CSMD1: variants seen among roughly 807,000 people sequenced by gnomAD.
The protein encoded by CSMD1 is CUB and sushi domain-containing protein 1.
Under a neutral mutation model 417.5 loss-of-function variants are expected in CSMD1, and 213 were observed. That is an observed-to-expected ratio of 0.51 (90% CI 0.46 to 0.57). The LOEUF (loss-of-function observed/expected upper bound fraction) is 0.57, where lower values mean the gene tolerates loss of function less well. Among genes scored for constraint, CSMD1 ranks in the 20% least tolerant of loss-of-function variants. CSMD1 has a pLI of 0.00. For missense variants in CSMD1, 6,923 were observed against 4,529.7 expected, an observed-to-expected ratio of 1.53 and a Z score of -15.17; for synonymous variants, 2,862 against 1,736.8, an observed-to-expected ratio of 1.65 and a Z score of -16.11.
chr8:3,678,515 C>A (rs1221699979), intron 7 of CSMD1, among the ~76,000 whole-genome samples: 1 of 152,102 alleles, frequency 6.6e-6, no homozygotes, highest in Non-Finnish European at 1.5e-5. Context: ...TGAACAAAGC[C>A]TCCAAGAAAT....
At chr8:3,038,000 A>T (rs1810810101) in intron 50 of CSMD1, among the ~76,000 whole-genome samples, 1 of 152,208 alleles carries the variant, frequency 6.6e-6, no homozygotes, top group South Asian at 2.1e-4. Flanking sequence ...AACCTTCAGA[A>T]AATCGGGCAT....
chr8:4,479,703 G>T (rs1800985609), intron 2 of CSMD1, among the ~76,000 whole-genome samples: 1 of 152,112 alleles, frequency 6.6e-6, no homozygotes, highest in South Asian at 2.1e-4. Context: ...AGACCATCCT[G>T]GCCAACATGG....
rs564107727 is a variant in CSMD1 at position 4,123,757 on chromosome 8, G to A, written c.416-91658C>T. On this transcript the variant is annotated intron_variant, in intron 3 of 69. Coordinates refer to ENST00000635120, the MANE Select transcript of CSMD1 (RefSeq NM_033225.6). ...TTAGAATTCAATGTGTTTATGCTGTGATAATTTACTGATGATGAAGTCAGA... is the reference window on the plus strand; with the variant it reads ...TTAGAATTCAATGTGTTTATGCTGTAATAATTTACTGATGATGAAGTCAGA... Among the ~76,000 whole-genome samples, 8 of 152,222 alleles carry A rather than the reference G, an allele frequency of 5.3e-5. No individual in the cohort carries two copies. The South Asian group carries it at 1.7e-3, about 32-fold the overall frequency.
At chr8:3,829,311 T>C (rs1260429118) in intron 5 of CSMD1, among the ~76,000 whole-genome samples, 7 of 152,172 alleles carry the variant, frequency 4.6e-5, no homozygotes, top group South Asian at 4.1e-4. Context: ...ACTTCACTTA[T>C]TCTACAATCA....
At position 3,054,930 on chromosome 8, in the gene CSMD1, C is replaced by G. The variant is rs77118674; in HGVS notation, c.7475-2283G>C. Among the ~76,000 whole-genome samples, 1,465 of 152,242 alleles carry G rather than the reference C, an allele frequency of 9.6e-3. 19 individuals carry two copies. Among genetic ancestry groups the G allele is most frequent in the African/African-American group, 0.034 (1,408 of 41,538 alleles). On this transcript the variant is annotated intron_variant, in intron 49 of 69. Transcript: ENST00000635120. ...TCCTGAATGCAGTAAATGCCAGAGA[C>G]CCATCCTTTCTTTTCTGTATCTCAC... is the stretch of plus-strand genomic sequence containing the variant.
At chr8:4,493,720 AC>A (rs1221566644) in intron 2 of CSMD1, among the ~76,000 whole-genome samples, 1 of 152,172 alleles carries the variant, frequency 6.6e-6, no homozygotes, top group Non-Finnish European at 1.5e-5. Flanking sequence ...AATATCAAAA[AC>A]AAAAACCTAA....
intron 3 of CSMD1, among the ~76,000 whole-genome samples, chr8:4,139,107 A>G (rs957961367): frequency 3.9e-5 from 6 of 152,158 alleles, no homozygotes; most frequent in Admixed American, 1.3e-4. Flanking sequence ...ACAGCTACAC[A>G]TGAAGACCCC....
At chr8:3,984,082 A>T (rs1814121080) in intron 5 of CSMD1, among the ~76,000 whole-genome samples, 1 of 147,380 alleles carries the variant, frequency 6.8e-6, no homozygotes, top group Non-Finnish European at 1.5e-5. Context: ...AGCACACCAC[A>T]GATCTAACAG....
chr8:3,119,834 T>C (rs554145411), intron 41 of CSMD1, among the ~76,000 whole-genome samples: 7 of 152,260 alleles, frequency 4.6e-5, no homozygotes, highest in African/African-American at 1.4e-4. Flanking sequence ...GCCATGTAAT[T>C]CTGCTGAAAC....
intron 11 of CSMD1, among the ~76,000 whole-genome samples, chr8:3,474,213 C>G (rs1293904392): frequency 6.6e-6 from 1 of 152,010 alleles, no homozygotes; most frequent in Non-Finnish European, 1.5e-5. Flanking sequence ...TTGGCATTAG[C>G]TAATGAGCTG....
intron 1 of CSMD1, among the ~76,000 whole-genome samples, chr8:4,774,330 C>A (rs1017901601): frequency 6.6e-6 from 1 of 152,258 alleles, no homozygotes; most frequent in Non-Finnish European, 1.5e-5. Context: ...GAGGGCAGGT[C>A]TCTCAAAACT....
At chr8:3,500,543 T>C (rs539173790) in intron 10 of CSMD1, among the ~76,000 whole-genome samples, 2 of 152,224 alleles carry the variant, frequency 1.3e-5, no homozygotes, top group Admixed American at 1.3e-4. Flanking sequence ...GTCTCTTTCA[T>C]ATTTAGAGGT....
At chr8:3,694,002 G>C (rs1483098861) in intron 7 of CSMD1, among the ~76,000 whole-genome samples, 4 of 151,598 alleles carry the variant, frequency 2.6e-5, no homozygotes, top group African/African-American at 9.7e-5. Context: ...TGTGTGTGTT[G>C]TGTGTGTTGG....
intron 26 of CSMD1, among the ~76,000 whole-genome samples, chr8:3,238,905 G>C (rs1799319204): frequency 6.6e-6 from 1 of 152,134 alleles, no homozygotes; most frequent in Admixed American, 6.6e-5. Flanking sequence ...ATCAAGAGCA[G>C]GGCATGTATA....
At chr8:3,194,091 C>A (rs997789048) in intron 33 of CSMD1, among the ~76,000 whole-genome samples, 2 of 152,198 alleles carry the variant, frequency 1.3e-5, no homozygotes, top group Admixed American at 1.3e-4. Flanking sequence ...CAAGCCATTA[C>A]TAGTCAATGA....
chr8:3,098,172 T>C (rs1353918469), intron 46 of CSMD1, among the ~76,000 whole-genome samples: 3 of 152,208 alleles, frequency 2.0e-5, no homozygotes, highest in African/African-American at 7.2e-5. Flanking sequence ...AAAAAATGTA[T>C]ATCAAAATTA....
At chr8:3,851,752 T>C (rs1453984259) in intron 5 of CSMD1, among the ~76,000 whole-genome samples, 1 of 152,012 alleles carries the variant, frequency 6.6e-6, no homozygotes, top group Non-Finnish European at 1.5e-5. Flanking sequence ...AGGTGAGGAA[T>C]GAAGAGGGAA....
intron 3 of CSMD1, among the ~76,000 whole-genome samples, chr8:4,164,020 G>A (rs966571057): frequency 6.6e-6 from 1 of 152,124 alleles, no homozygotes; most frequent in Non-Finnish European, 1.5e-5. Context: ...AATAAGCAGA[G>A]TAAGCTGTTG....
At chr8:3,244,878 T>G (rs970006698) in intron 26 of CSMD1, among the ~76,000 whole-genome samples, 11 of 152,254 alleles carry the variant, frequency 7.2e-5, no homozygotes, top group African/African-American at 2.6e-4. Flanking sequence ...TTTTAGGACC[T>G]GACTCTCAGC....
Sources: gnomAD v4.1 joint callset for allele counts (sites outside exome capture counted in the v4.1 genomes callset) on GRCh38, gnomAD v4.1.1 for gene constraint, MANE v1.5 for transcripts, NCBI Gene and HGNC (gene_info 2026-07-23, HGNC 2026-07-21) for gene names.